Variants in ABCC1 observed in about 807,000 individuals in gnomAD.
ABCC1 encodes ATP binding cassette subfamily C member 1 (ABCC1 blood group), also known as multidrug resistance-associated protein 1.
Under a neutral mutation model 172.9 loss-of-function variants are expected in ABCC1, and 83 were observed. That is an observed-to-expected ratio of 0.48 (90% confidence interval 0.40 to 0.58). The LOEUF (loss-of-function observed/expected upper bound fraction) is 0.58. Ranked by LOEUF, ABCC1 falls within the 20% of genes least tolerant of loss-of-function variation. ABCC1 has a pLI of 0.00. For missense variants in ABCC1, 1,817 were observed against 2,002.7 expected (o/e 0.91, Z 1.77); for synonymous variants, 937 against 825.2 (o/e 1.14, Z -2.32).
intron 24 of ABCC1, among the ~76,000 whole-genome samples, chr16:16,124,015 C>T (rs2045289513): frequency 6.6e-6 from 1 of 152,042 alleles, no homozygotes; most frequent in Admixed American, 6.6e-5. Flanking sequence ...AAGACCCCAT[C>T]TCAAAAAAAC....
intron 26 of ABCC1, among the ~76,000 whole-genome samples, chr16:16,127,242 G>A (rs534285242): frequency 1.3e-5 from 2 of 152,220 alleles, no homozygotes; most frequent in African/African-American, 4.8e-5. Context: ...TGATTTTTGA[G>A]ACACGGTCTC....
At chr16:16,112,983 A>G (rs1005691726) in intron 22 of ABCC1, among the ~76,000 whole-genome samples, 34 of 152,152 alleles carry the variant, frequency 2.2e-4, no homozygotes, top group Non-Finnish European at 4.7e-4. Flanking sequence ...GCCCCTGCCT[A>G]TTGGGTGTCT....
rs572736278 is a variant in ABCC1 at position 15,967,537 on chromosome 16, G to A, written c.48+17738G>A. Among the ~76,000 whole-genome samples, 8 of 151,588 alleles carry A rather than the reference G, an allele frequency of 5.3e-5. No homozygotes were observed. The South Asian group carries it at 6.3e-4, about 12-fold the overall frequency. ...GTGGGAGGATCACTTGAGCCCAGGA[G>A]TTTGAGACCAGCCTGGGCAACAGAA... On this transcript the variant is annotated intron_variant, in intron 1 of 30. Transcript: ENST00000399410.
intron 1 of ABCC1, among the ~76,000 whole-genome samples, chr16:15,963,878 G>GCAGC (rs1488630393): frequency 6.6e-6 from 1 of 152,080 alleles, no homozygotes; most frequent in Admixed American, 6.5e-5. Context: ...GCAAGTTTCT[G>GCAGC]CAGCCGGCTT....
chr16:16,020,447 C>A (rs138249778), intron 5 of ABCC1, among the ~76,000 whole-genome samples: 27 of 152,312 alleles, frequency 1.8e-4, no homozygotes, highest in Middle Eastern at 6.8e-3. Context: ...TAGCCAGTAG[C>A]CCATGGGCCG....
At chr16:15,951,440 C>A (rs980471546) in intron 1 of ABCC1, among the ~76,000 whole-genome samples, 1 of 151,704 alleles carries the variant, frequency 6.6e-6, no homozygotes, top group African/African-American at 2.4e-5. Context: ...TCGTTAAGGA[C>A]TTTCTGCCAC....
intron 23 of ABCC1, among the ~76,000 whole-genome samples, chr16:16,116,510 A>T (rs1484245252): frequency 1.3e-5 from 2 of 152,190 alleles, no homozygotes; most frequent in Non-Finnish European, 2.9e-5. Context: ...ATAAAATAGA[A>T]CAATTATAAC....
At chr16:16,041,097 T>A (rs944807848) in intron 7 of ABCC1, among the ~76,000 whole-genome samples, 5 of 149,306 alleles carry the variant, frequency 3.3e-5, no homozygotes, top group African/African-American at 1.2e-4. Context: ...CTGGCTAATT[T>A]TTTTTTTTTT....
At chr16:16,034,318 T>C (rs893039344) in intron 6 of ABCC1, among the ~76,000 whole-genome samples, 1 of 152,132 alleles carries the variant, frequency 6.6e-6, no homozygotes, top group Admixed American at 6.6e-5. Context: ...TGAACCACCA[T>C]GCCCGGTCTC....
At chr16:16,138,911 TGTTGGCCAGGCTG>T (rs1423644104) in intron 30 of ABCC1, among the ~76,000 whole-genome samples, 1 of 152,186 alleles carries the variant, frequency 6.6e-6, no homozygotes, top group African/African-American at 2.4e-5. Flanking sequence ...GGTTTTGCCA[TGTTGGCCAGGCTG>T]GTCTCGAACT....
chr16:16,079,345 GT>G lies in ABCC1; in HGVS notation c.1989-4del. ...GTGGCTGAGCCAGGTGTGTTGTGTC[GT>G]TTCAGCATCACCTTCTCCATCCCCG... On this transcript the variant is annotated splice_region_variant and splice_polypyrimidine_tract_variant and intron_variant, in intron 15 of 30. Transcript: ENST00000399410. 1 of 1,613,674 alleles carries G rather than the reference GT, an allele frequency of 6.2e-7. No individual in the cohort carries two copies.
At chr16:16,128,314 G>A (rs1397067714) in intron 26 of ABCC1, among the ~76,000 whole-genome samples, 1 of 151,886 alleles carries the variant, frequency 6.6e-6, no homozygotes, top group Non-Finnish European at 1.5e-5. Context: ...GGGATTACAG[G>A]CGATTTTTGT....
intron 30 of ABCC1, among the ~76,000 whole-genome samples, chr16:16,139,076 A>T (rs949896168): frequency 2.0e-5 from 3 of 152,214 alleles, no homozygotes; most frequent in African/African-American, 7.2e-5. Context: ...GTTCCCAGAC[A>T]CTGGGGACTC....
At chr16:16,041,425 C>G (rs532997501) in intron 7 of ABCC1, among the ~76,000 whole-genome samples, 14 of 152,220 alleles carry the variant, frequency 9.2e-5, no homozygotes, top group Admixed American at 6.5e-4. Context: ...AGCGGGCCAC[C>G]TGAGAAGGGT....
chr16:16,135,030 A>G (rs2045865614), intron 28 of ABCC1, among the ~76,000 whole-genome samples: 2 of 152,134 alleles, frequency 1.3e-5, no homozygotes, highest in Admixed American at 1.3e-4. Context: ...TTAACTGACT[A>G]TCAGTCCCGA....
At chr16:16,042,709 A>G (rs246224) in intron 7 of ABCC1, among the ~76,000 whole-genome samples, 30,864 of 151,576 alleles carry the variant, frequency 0.2, 5,343 homozygotes, top group African/African-American at 0.47. Flanking sequence ...TCTCAAAAAA[A>G]AAAAAAAAAA....
chr16:16,108,065 G>A (rs915012869), intron 21 of ABCC1, among the ~76,000 whole-genome samples: 3 of 151,910 alleles, frequency 2.0e-5, no homozygotes, highest in Non-Finnish European at 4.4e-5. Context: ...GTCCTCTCTC[G>A]CCTTACCCTT....
At chr16:16,061,829 A>G (rs1221889105) in intron 12 of ABCC1, among the ~76,000 whole-genome samples, 1 of 131,432 alleles carries the variant, frequency 7.6e-6, no homozygotes, top group African/African-American at 3.0e-5. Context: ...GCTGGAGTGC[A>G]GTGACATGAT....
At chr16:16,036,857 G>C (rs2151846236) in intron 7 of ABCC1, among the ~76,000 whole-genome samples, 1 of 152,328 alleles carries the variant, frequency 6.6e-6, no homozygotes, top group Admixed American at 6.5e-5. Flanking sequence ...TCTAATCCCA[G>C]CACTTTGGGA....
Sources: allele counts gnomAD v4.1 joint callset (sites outside exome capture counted in the v4.1 genomes callset), GRCh38; gene constraint gnomAD v4.1.1; transcripts MANE v1.5; gene names NCBI Gene and HGNC (gene_info 2026-07-23, HGNC 2026-07-21).